Variants in SCN9A observed in about 807,000 individuals in gnomAD.
The protein encoded by SCN9A is sodium voltage-gated channel alpha subunit 9.
SCN9A carries 131 observed loss-of-function variants against 187.0 expected under a neutral mutation model. That is an observed-to-expected ratio of 0.70 (90% CI 0.61 to 0.81). The LOEUF is 0.81. Among genes scored for constraint, SCN9A ranks in the 30% least tolerant of loss-of-function variants. SCN9A has a pLI of 0.00. For missense variants in SCN9A, 2,252 were observed against 2,396.6 expected, an observed-to-expected ratio of 0.94 and a Z score of 1.26; for synonymous variants, 809 against 808.6, an observed-to-expected ratio of 1.00 and a Z score of -0.01.
rs763201215 is a variant in SCN9A at position 166,198,901 on chromosome 2, G to C, written c.5738C>G (p.Ser1913Ter). The change falls in exon 27 of 27, where the codon TCA (serine) becomes TGA (stop). Residue 1913 changes from serine (S) to a stop codon, truncating the protein, a stop_gained. Transcript: ENST00000642356. LOFTEE classifies it high-confidence loss of function. Reference sequence around the variant, plus strand: ...GTCTCCATCTTTTATGTATATACTTGATATATTTTTGACATTTTGCCTTAA... The same window carrying C: ...GTCTCCATCTTTTATGTATATACTTCATATATTTTTGACATTTTGCCTTAA... ...YRLRQNVKNISSIYIKDGDRD... is the reference protein window; with the variant it reads ...YRLRQNVKNI 6.2e-7 allele frequency: 1 copy of C among 1,613,364 alleles called. No individual in the cohort carries two copies. The highest frequency in any genetic ancestry group is 1.1e-5 in the South Asian group (1 of 91,060).
intron 1 of SCN9A, among the ~76,000 whole-genome samples, chr2:166,334,229 T>C (rs1311939480): frequency 6.6e-6 from 1 of 152,042 alleles, no homozygotes; most frequent in Non-Finnish European, 1.5e-5. Context: ...AAATAACGAA[T>C]GCCAACAAAA....
At chr2:166,345,805 T>C (rs559707544) in intron 1 of SCN9A, among the ~76,000 whole-genome samples, 1 of 152,184 alleles carries the variant, frequency 6.6e-6, no homozygotes, top group African/African-American at 2.4e-5. Flanking sequence ...ACGGGGCCTA[T>C]GCTATATCTT....
chr2:166,305,897 G>A lies in SCN9A; in HGVS notation c.491C>T (p.Thr164Ile). The A allele has an allele frequency of 6.2e-7, 1 of 1,612,998 alleles. No homozygotes were observed. The highest frequency in any genetic ancestry group is 8.5e-7 in the Non-Finnish European group (1 of 1,179,396). ...NVEYTFTGIY[T>I]FESLVKILAR... ...AAGGATTTTTACAAGTGATTCAAAA[G>A]TATATATTCCAGTAAAAGTGTACCT... is the stretch of plus-strand genomic sequence containing the variant. Residue 164 changes from threonine (T) to isoleucine (I), a missense_variant, in exon 5 of 27, where the codon ACT (threonine) becomes ATT (isoleucine). This residue lies in a region of SCN9A where 1,013 missense variants were observed against 997.4 expected (regional missense o/e 1.02). Coordinates refer to ENST00000642356, the MANE Select transcript of SCN9A (RefSeq NM_001365536.1).
chr2:166,287,356 A>T (rs1336383346), intron 10 of SCN9A, among the ~76,000 whole-genome samples: 2 of 152,044 alleles, frequency 1.3e-5, no homozygotes, highest in Non-Finnish European at 2.9e-5. Context: ...TTAATCCATC[A>T]TTATTCTAAA....
At position 166,258,856 on chromosome 2, in the gene SCN9A, T is replaced by C. The variant is rs187310808; in HGVS notation, c.3352-6971A>G. On this transcript the variant is annotated intron_variant, in intron 17 of 26. Coordinates refer to ENST00000642356, the MANE Select transcript of SCN9A (RefSeq NM_001365536.1). The stretch of plus-strand genomic sequence containing the variant: ...TTAATGTGATATACATCTCTCCATA[T>C]TTTTATGTAGATTAAATCAGGAAGG... Among the ~76,000 whole-genome samples, 32 of 151,858 alleles carry C rather than the reference T, an allele frequency of 2.1e-4. No homozygotes were observed. In the East Asian group the frequency reaches 3.3e-3, roughly 16 times the overall value.
chr2:166,272,776 C>T lies in SCN9A; in HGVS notation c.2974G>A (p.Val992Met). The T allele has an allele frequency of 6.5e-7, 1 of 1,533,002 alleles. No individual in the cohort carries two copies. The highest frequency in any genetic ancestry group is 8.7e-7 in the Non-Finnish European group (1 of 1,144,118). The allele number at this position is 1,533,002 out of a possible 1,614,324, so 95.0% of individuals were successfully genotyped here. A position where few individuals can be genotyped will look rare whatever the true frequency, so the allele number is the denominator to read the frequency against. ...DPDANNLQIA[V>M]TRIKKGINYV... ...TTTATTCCCTTTTTAATTCTAGTCA[C>T]TGCAATCTGGAGGTTGTTTGCATCA... The change falls in exon 17 of 27, where the codon GTG (valine) becomes ATG (methionine). Residue 992 changes from valine (V) to methionine (M), a missense_variant. Val to Met is a conservative substitution (Grantham distance 21, BLOSUM62 1). Coordinates refer to ENST00000642356, the MANE Select transcript of SCN9A (RefSeq NM_001365536.1).
intron 21 of SCN9A, among the ~76,000 whole-genome samples, chr2:166,232,748 TATATAG>T (rs67947273): frequency 0.38 from 31,495 of 83,712 alleles, 3,494 homozygotes; most frequent in East Asian, 0.55. Context: ...TATATATATA[TATATAG>T]AGAGAGAGAG....
At chr2:166,286,915 G>A (rs890186420) in intron 10 of SCN9A, among the ~76,000 whole-genome samples, 4 of 152,018 alleles carry the variant, frequency 2.6e-5, no homozygotes, top group Admixed American at 1.3e-4. Flanking sequence ...AGTTTTACAA[G>A]GTAATTTTGG....
chr2:166,232,760 GA>G (rs1695140052), intron 21 of SCN9A, among the ~76,000 whole-genome samples: 1 of 143,212 alleles, frequency 7.0e-6, no homozygotes, highest in Non-Finnish European at 1.5e-5. Context: ...TATAGAGAGA[GA>G]GAGAGTATGC....
rs1693703020 is a variant in SCN9A, at chr2:166,204,501, C to G, written c.4399-37G>C. ...AACAAAAAATAAATGTAGTTAAAAC[C>G]AGAATCATTGTCTACATCTTTCTAT... On this transcript the variant is annotated intron_variant, in intron 24 of 26. Transcript: ENST00000642356. 4 of 1,315,808 alleles carry G rather than the reference C, an allele frequency of 3.0e-6. No homozygotes were observed. The East Asian group carries it at 9.3e-5, about 31-fold the overall frequency. The allele number at this position is 1,315,808 out of a possible 1,614,324, so 81.5% of individuals were successfully genotyped here.
intron 2 of SCN9A, among the ~76,000 whole-genome samples, chr2:166,309,191 C>T (rs973658556): frequency 1.3e-5 from 2 of 151,988 alleles, no homozygotes; most frequent in Non-Finnish European, 2.9e-5. Context: ...AACCGGAGGT[C>T]ATCTGAGCTA....
rs1698214749 is a variant in SCN9A at position 166,294,472 on chromosome 2, T to G, written c.965+127A>C. 4.8e-6 allele frequency: 3 copies of G among 624,566 alleles called. No homozygotes were observed. In the South Asian group the frequency reaches 7.7e-5, roughly 16 times the overall value. The allele number at this position is 624,566 out of a possible 1,614,324, so 38.7% of individuals were successfully genotyped here. ...AGACTGGATTTGCTGTGGGACAGAA[T>G]GAGTCAAATAATACCATGAAATATA... On this transcript the variant is annotated intron_variant, in intron 8 of 26. Coordinates refer to ENST00000642356, the MANE Select transcript of SCN9A (RefSeq NM_001365536.1).
intron 22 of SCN9A, among the ~76,000 whole-genome samples, chr2:166,228,247 CT>C (rs33924683): frequency 8.3e-3 from 716 of 85,986 alleles, no homozygotes; most frequent in Non-Finnish European, 0.012. Context: ...AAGACCAACA[CT>C]TTTTTTTTTT....
chr2:166,305,385 C>A (rs1173460781), intron 5 of SCN9A, among the ~76,000 whole-genome samples: 1 of 151,650 alleles, frequency 6.6e-6, no homozygotes, highest in Non-Finnish European at 1.5e-5. Context: ...TATTTTAATA[C>A]AAAAATATAA....
chr2:166,277,279 CA>C lies in SCN9A; in HGVS notation c.2577del (p.Ile859MetfsTer5), dbSNP rs753900410. 1 of 1,613,816 alleles carries C rather than the reference CA, an allele frequency of 6.2e-7. No homozygotes were observed. Among genetic ancestry groups the C allele is most frequent in the African/African-American group, 1.3e-5 (1 of 74,888 alleles). On this transcript the variant is annotated frameshift_variant, in exon 16 of 27. Transcript: ENST00000642356. LOFTEE classifies it high-confidence loss of function. ...TTACCTAGAGCCCCTACTGAGTTACCAATGATCTTAATCAGCATGTTCAATG... is the reference window on the plus strand; with the variant it reads ...TTACCTAGAGCCCCTACTGAGTTACCATGATCTTAATCAGCATGTTCAATG... ...WPTLNMLIKI[I>X]GNSVGALGNL...
intron 24 of SCN9A, among the ~76,000 whole-genome samples, chr2:166,210,308 G>T (rs1010251912): frequency 3.3e-5 from 5 of 151,968 alleles, no homozygotes; most frequent in Admixed American, 6.6e-5. Context: ...GCCTGTTGTG[G>T]GGTGGGGGGA....
chr2:166,311,525 A>C lies in SCN9A; in HGVS notation c.232T>G (p.Leu78Val), dbSNP rs1553497961. The C allele has an allele frequency of 6.2e-7, 1 of 1,610,290 alleles. No homozygotes were observed. Among genetic ancestry groups the C allele is most frequent in the Non-Finnish European group, 8.5e-7 (1 of 1,178,164 alleles). Residue 78 changes from leucine (L) to valine (V), a missense_variant, in exon 2 of 27, where the codon TTG becomes GTG. Around this residue, in one of 7 missense-constraint regions of SCN9A, gnomAD observed 1,013 missense variants for 997.4 expected, o/e 1.02. Transcript: ENST00000642356. The part of the protein sequence containing the change: ...PGMVSEPLED[L>V]DPYYADKKTF... ...TTTTTGTCTGCATAGTAGGGGTCCA[A>C]GTCCTCCAGGGGCTCTGACACCATG...
At chr2:166,284,403 A>G (rs906772473) in intron 12 of SCN9A, 50 bp downstream of exon 12, 1 of 1,553,422 alleles carries the variant, frequency 6.4e-7, no homozygotes, top group African/African-American at 1.4e-5. Context: ...AGACTGACTG[A>G]TGCAGGAACA....
intron 17 of SCN9A, among the ~76,000 whole-genome samples, chr2:166,270,538 T>G (rs937200514): frequency 6.6e-6 from 1 of 152,202 alleles, no homozygotes; most frequent in African/African-American, 2.4e-5. Context: ...ATTTATTTAT[T>G]TAATCATTTA....
Sources: allele counts gnomAD v4.1 joint callset (sites outside exome capture counted in the v4.1 genomes callset), GRCh38; gene constraint gnomAD v4.1.1; regional missense constraint gnomAD v4.1.1; transcripts MANE v1.5; gene names NCBI Gene and HGNC (gene_info 2026-07-23, HGNC 2026-07-21).